The following HAPLN1 variants were observed in gnomAD, a reference collection of about 807,000 sequenced individuals.
The protein encoded by HAPLN1 is Cartilage link protein.
In HAPLN1, 13 loss-of-function variants were observed where a neutral mutation model predicts 36.5. The ratio of observed to expected loss-of-function variants is 0.36; its 90% CI spans 0.23 to 0.57. The LOEUF is 0.57. Ranked by LOEUF, HAPLN1 falls within the 20% of genes least tolerant of loss-of-function variation. The pLI is 0.83. For synonymous variants in HAPLN1, 202 were observed against 169.8 expected (o/e 1.19, Z -1.48); for missense variants, 407 against 439.7 (o/e 0.93, Z 0.66).
intron 1 of HAPLN1, among the ~76,000 whole-genome samples, chr5:83,706,846 C>G (rs181597574): frequency 3.5e-4 from 54 of 152,270 alleles, no homozygotes; most frequent in Middle Eastern, 3.4e-3. Context: ...AGTTCTGTCT[C>G]AAAATCTCCT....
chr5:83,681,127 T>C (rs1750988681), intron 1 of HAPLN1, among the ~76,000 whole-genome samples: 1 of 152,174 alleles, frequency 6.6e-6, no homozygotes, highest in African/African-American at 2.4e-5. Flanking sequence ...AATATAAAAT[T>C]AGACCTTTAA....
chr5:83,719,812 C>G (rs1016810983), intron 1 of HAPLN1, among the ~76,000 whole-genome samples: 1 of 152,102 alleles, frequency 6.6e-6, no homozygotes, highest in African/African-American at 2.4e-5. Context: ...ATATTACATT[C>G]ATTTAGAAAT....
At chr5:83,648,523 A>T (rs1271493188) in intron 3 of HAPLN1, among the ~76,000 whole-genome samples, 6 of 150,176 alleles carry the variant, frequency 4.0e-5, no homozygotes, top group Admixed American at 4.0e-4. Flanking sequence ...CTTGTAATAC[A>T]AATAGGAGCT....
intron 1 of HAPLN1, among the ~76,000 whole-genome samples, chr5:83,708,016 C>G (rs1236462126): frequency 1.3e-5 from 2 of 152,210 alleles, no homozygotes; most frequent in African/African-American, 4.8e-5. Context: ...CAATGAGACA[C>G]CATCTCACAC....
At chr5:83,644,014 C>T (rs988772291) in intron 4 of HAPLN1, among the ~76,000 whole-genome samples, 3 of 152,158 alleles carry the variant, frequency 2.0e-5, no homozygotes, top group Non-Finnish European at 2.9e-5. Context: ...AATGAAGGCA[C>T]GCTTACTTTG....
intron 1 of HAPLN1, among the ~76,000 whole-genome samples, chr5:83,689,781 T>C (rs1751227116): frequency 6.6e-6 from 1 of 152,146 alleles, no homozygotes; most frequent in African/African-American, 2.4e-5. Flanking sequence ...CATGCACCTA[T>C]AAAAGTAAAC....
chr5:83,718,668 G>C (rs529812783), intron 1 of HAPLN1, among the ~76,000 whole-genome samples: 4 of 152,068 alleles, frequency 2.6e-5, no homozygotes, highest in Non-Finnish European at 5.9e-5. Context: ...AAGTACTATG[G>C]TTACTACTCA....
intron 1 of HAPLN1, among the ~76,000 whole-genome samples, chr5:83,685,328 C>A (rs541138779): frequency 2.0e-5 from 3 of 152,288 alleles, no homozygotes; most frequent in African/African-American, 7.2e-5. Context: ...CTTTGCACTG[C>A]ACACTGCAGG....
intron 1 of HAPLN1, among the ~76,000 whole-genome samples, chr5:83,712,307 C>A (rs1024097447): frequency 2.0e-5 from 3 of 151,750 alleles, no homozygotes; most frequent in African/African-American, 7.3e-5. Flanking sequence ...AATGTATGGT[C>A]CTTAATTTAA....
Position 83,700,167 on chromosome 5 carries a change from C to T in HAPLN1, c.-27+20622G>A, listed in dbSNP as rs1204814172. Reference sequence around the variant, plus strand: ...TGAGATTGCGCCACTGCACTGTAGCCTGGGTGACAGAGTGAGACTCCATCT... The same window carrying T: ...TGAGATTGCGCCACTGCACTGTAGCTTGGGTGACAGAGTGAGACTCCATCT... On this transcript the variant is annotated intron_variant, in intron 1 of 4. Coordinates refer to ENST00000274341, the MANE Select transcript of HAPLN1 (RefSeq NM_001884.4). Among the ~76,000 whole-genome samples the T allele has an allele frequency of 2.1e-4, 30 of 143,568 alleles. 1 individual carries two copies. In the East Asian group the frequency reaches 4.1e-3, roughly 20 times the overall value. The allele number at this position is 143,568 out of a possible 152,430, so 94.2% of individuals were successfully genotyped here.
chr5:83,698,275 G>A (rs1751437401), intron 1 of HAPLN1, among the ~76,000 whole-genome samples: 1 of 151,476 alleles, frequency 6.6e-6, no homozygotes, highest in South Asian at 2.1e-4. Context: ...GAAGTCTGCT[G>A]CCAGACATAC....
rs1049679669 is a variant in HAPLN1, at chr5:83,640,412, T to A, written c.*1084A>T. On this transcript the variant is annotated 3_prime_UTR_variant, in exon 5 of 5. Coordinates refer to ENST00000274341, the MANE Select transcript of HAPLN1 (RefSeq NM_001884.4). ...TAAGGTTTAGAACTACACTGTTGACTTTTCCCCCCAAACACAGGCACTGGT... is the reference window on the plus strand; with the variant it reads ...TAAGGTTTAGAACTACACTGTTGACATTTCCCCCCAAACACAGGCACTGGT... 1 of 152,114 alleles carries A rather than the reference T, an allele frequency of 6.6e-6. No homozygotes were observed. Among genetic ancestry groups the A allele is most frequent in the Non-Finnish European group, 1.5e-5 (1 of 67,992 alleles). 9.4% of individuals were successfully genotyped at this position (152,114 alleles called of 1,614,324 possible).
intron 2 of HAPLN1, among the ~76,000 whole-genome samples, chr5:83,665,814 T>C (rs1255314024): frequency 6.6e-6 from 1 of 152,166 alleles, no homozygotes; most frequent in African/African-American, 2.4e-5. Context: ...CATGTAAATA[T>C]TACTCCACAC....
At chr5:83,671,290 C>T (rs192001381) in intron 2 of HAPLN1, among the ~76,000 whole-genome samples, 51 of 152,210 alleles carry the variant, frequency 3.4e-4, no homozygotes, top group Admixed American at 9.2e-4. Flanking sequence ...TTTACAGCAA[C>T]GTGAATTTTC....
At chr5:83,649,443 T>G (rs145905153) in intron 3 of HAPLN1, among the ~76,000 whole-genome samples, 287 of 152,248 alleles carry the variant, frequency 1.9e-3, no homozygotes, top group African/African-American at 5.6e-3. Flanking sequence ...TCTGGTTTTT[T>G]TTTGTTTGTT....
intron 2 of HAPLN1, among the ~76,000 whole-genome samples, chr5:83,670,229 A>T (rs1050072805): frequency 7.7e-4 from 117 of 152,250 alleles, no homozygotes; most frequent in African/African-American, 2.7e-3. Context: ...GTGATTTGAT[A>T]CTCCATGTAA....
At chr5:83,644,808 G>C (rs1428999840) in intron 3 of HAPLN1, 143 bp from the exon 4 acceptor site, 1 of 492,464 alleles carries the variant, frequency 2.0e-6, no homozygotes, top group African/African-American at 2.0e-5. Context: ...TGTTTCTCAT[G>C]ATCCCTTTCC....
intron 1 of HAPLN1, among the ~76,000 whole-genome samples, chr5:83,720,071 C>T (rs1255443965): frequency 6.6e-6 from 1 of 152,146 alleles, no homozygotes; most frequent in Non-Finnish European, 1.5e-5. Context: ...TTAATCGAAG[C>T]CCAAACAAGT....
chr5:83,710,853 A>T (rs925966753), intron 1 of HAPLN1, among the ~76,000 whole-genome samples: 7 of 152,094 alleles, frequency 4.6e-5, no homozygotes, highest in African/African-American at 1.7e-4. Flanking sequence ...CTGGAGGGTG[A>T]GACAGGAAAA....
Sources: gnomAD v4.1 joint callset for allele counts (sites outside exome capture counted in the v4.1 genomes callset) on GRCh38, gnomAD v4.1.1 for gene constraint, MANE v1.5 for transcripts, NCBI Gene and HGNC (gene_info 2026-07-23, HGNC 2026-07-21) for gene names.